Variants in CTNNA2 observed in about 807,000 individuals in gnomAD.
CTNNA2 encodes the protein catenin alpha-2.
CTNNA2 carries 42 observed loss-of-function variants against 101.0 expected under a neutral mutation model. That is an observed-to-expected ratio of 0.42 (90% CI 0.32 to 0.54). CTNNA2 has a LOEUF of 0.54. Among genes scored for constraint, CTNNA2 ranks in the 20% least tolerant of loss-of-function variants. The pLI, the probability that CTNNA2 is intolerant of heterozygous loss-of-function variation, is 0.14. For missense variants in CTNNA2, 871 were observed against 1,223.1 expected, an observed-to-expected ratio of 0.71 and a Z score of 4.29; for synonymous variants, 450 against 456.4, an observed-to-expected ratio of 0.99 and a Z score of 0.18.
chr2:80,561,984 T>G (rs1693644231), intron 12 of CTNNA2, among the ~76,000 whole-genome samples: 1 of 152,026 alleles, frequency 6.6e-6, no homozygotes, highest in Admixed American at 6.6e-5. Flanking sequence ...CCACGTTTTT[T>G]ATGTAAACAA....
rs776503949 is a variant in CTNNA2 at position 80,302,457 on chromosome 2, C to A, written c.1057-90754C>A. The A allele has an allele frequency of 1.2e-6, 2 of 1,614,146 alleles. No individual in the cohort carries two copies. The highest frequency in any genetic ancestry group is 1.7e-5 in the Admixed American group (1 of 60,032). ...CACTGTCTGAGCTGCCTGAGGCTGGCTGGGAAACACTTCCAGGACACGTAG... is the reference window on the plus strand; with the variant it reads ...CACTGTCTGAGCTGCCTGAGGCTGGATGGGAAACACTTCCAGGACACGTAG... On this transcript the variant is annotated intron_variant, in intron 7 of 18. Transcript: ENST00000402739. The surrounding 1 kb of genome is among the most constrained non-coding windows in gnomAD (Gnocchi z 6.4).
At chr2:79,490,170 A>G (rs1020049933) in intron 4 of CTNNA2, among the ~76,000 whole-genome samples, 1 of 152,192 alleles carries the variant, frequency 6.6e-6, no homozygotes, top group Admixed American at 6.5e-5. Flanking sequence ...GACCATACAT[A>G]GTATATATAC....
chr2:79,376,479 A>G (rs932275021), intron 4 of CTNNA2, among the ~76,000 whole-genome samples: 1 of 150,512 alleles, frequency 6.6e-6, no homozygotes, highest in Non-Finnish European at 1.5e-5. Flanking sequence ...TTTTTTTGAA[A>G]TTTTTCTAAT....
chr2:80,464,140 G>A (rs766654660), intron 9 of CTNNA2, among the ~76,000 whole-genome samples: 2 of 152,056 alleles, frequency 1.3e-5, no homozygotes, highest in Non-Finnish European at 2.9e-5. Flanking sequence ...AGCCCTCTTG[G>A]AATTCTAGTT....
At chr2:79,433,897 T>C (rs79307385) in intron 4 of CTNNA2, among the ~76,000 whole-genome samples, 3,399 of 152,270 alleles carry the variant, frequency 0.022, 57 homozygotes, top group South Asian at 0.043. Context: ...ATGAAATATT[T>C]GTTGAAAAAT....
intron 7 of CTNNA2, among the ~76,000 whole-genome samples, chr2:79,923,135 C>G (rs1686788561): frequency 6.6e-6 from 1 of 151,998 alleles, no homozygotes; most frequent in South Asian, 2.1e-4. Flanking sequence ...CAAAGAAGAG[C>G]CTGTTTTGTC....
At chr2:80,638,297 T>TG (rs1422012135) in intron 18 of CTNNA2, among the ~76,000 whole-genome samples, 3 of 148,962 alleles carry the variant, frequency 2.0e-5, no homozygotes, top group Non-Finnish European at 4.4e-5. Context: ...ACATAAGGAC[T>TG]GTCTGCCCAA....
chr2:80,073,911 A>G (rs1698517321), intron 7 of CTNNA2, among the ~76,000 whole-genome samples: 1 of 152,210 alleles, frequency 6.6e-6, no homozygotes, highest in Non-Finnish European at 1.5e-5. Flanking sequence ...AGCTTCTCTC[A>G]TGATTAACTA....
intron 4 of CTNNA2, among the ~76,000 whole-genome samples, chr2:79,457,567 C>T (rs1178681399): frequency 6.6e-6 from 1 of 151,924 alleles, no homozygotes; most frequent in African/African-American, 2.4e-5. Flanking sequence ...CCTGTAAAAC[C>T]AGAGCAAGCC....
At chr2:79,603,960 C>A (rs1052877588) in intron 1 of CTNNA2, among the ~76,000 whole-genome samples, 1 of 152,056 alleles carries the variant, frequency 6.6e-6, no homozygotes, top group African/African-American at 2.4e-5. Context: ...GAGAGCGAGT[C>A]CACCAAAGAA....
intron 18 of CTNNA2, among the ~76,000 whole-genome samples, chr2:80,633,933 C>A (rs1237871391): frequency 6.6e-6 from 1 of 152,086 alleles, no homozygotes; most frequent in African/African-American, 2.4e-5. Context: ...TGCAATTTGG[C>A]TGAAGTTTAC....
chr2:80,617,298 G>A (rs1427204193), intron 17 of CTNNA2, among the ~76,000 whole-genome samples: 3 of 100,274 alleles, frequency 3.0e-5, no homozygotes, highest in African/African-American at 1.3e-4. Flanking sequence ...AAATGAGATT[G>A]TTATAAAAAA....
intron 2 of CTNNA2, among the ~76,000 whole-genome samples, chr2:79,227,981 T>G (rs146569141): frequency 1.3e-5 from 2 of 152,244 alleles, no homozygotes; most frequent in South Asian, 4.1e-4. Flanking sequence ...TAACTCCCAC[T>G]TATATGTGAG....
At chr2:80,481,434 A>G (rs1686132667) in intron 9 of CTNNA2, among the ~76,000 whole-genome samples, 1 of 152,118 alleles carries the variant, frequency 6.6e-6, no homozygotes, top group Non-Finnish European at 1.5e-5. Context: ...CAGGAACTTA[A>G]AAGTGTTTGG....
chr2:80,260,288 G>C (rs1052965182), intron 7 of CTNNA2, among the ~76,000 whole-genome samples: 1 of 152,142 alleles, frequency 6.6e-6, no homozygotes, highest in Non-Finnish European at 1.5e-5. Flanking sequence ...CCATTAATCT[G>C]ACAGTGAAGA....
intron 3 of CTNNA2, among the ~76,000 whole-genome samples, chr2:79,770,407 C>G (rs1469293786): frequency 2.6e-5 from 4 of 151,916 alleles, no homozygotes; most frequent in African/African-American, 7.3e-5. Flanking sequence ...ATTTTTTAGA[C>G]AAAAATAAGG....
At position 79,679,211 on chromosome 2, in the gene CTNNA2, C is replaced by G. The variant is rs1268609562; in HGVS notation, c.102+27553C>G. ...CTGGTGTATCTAAAATATAGTTTAA[C>G]TTTCTTTAAATTATTTGTTTTACAC... On this transcript the variant is annotated intron_variant, in intron 2 of 18. Transcript: ENST00000402739. 2.0e-5 allele frequency among the ~76,000 whole-genome samples: 3 copies of G among 152,124 alleles called. No homozygotes were observed. The East Asian group carries it at 5.8e-4, about 29-fold the overall frequency.
chr2:80,549,725 A>G (rs950414679), intron 11 of CTNNA2, among the ~76,000 whole-genome samples: 6 of 152,128 alleles, frequency 3.9e-5, no homozygotes, highest in Non-Finnish European at 8.8e-5. Context: ...TTTCTCTTCA[A>G]AACACCTCAG....
At chr2:80,336,563 T>C (rs1394313836) in intron 7 of CTNNA2, among the ~76,000 whole-genome samples, 1 of 152,222 alleles carries the variant, frequency 6.6e-6, no homozygotes, top group Non-Finnish European at 1.5e-5. Flanking sequence ...TTAGGTAAAA[T>C]TTATACACAA....
Sources: gnomAD v4.1 joint callset for allele counts (sites outside exome capture counted in the v4.1 genomes callset) on GRCh38, gnomAD v4.1.1 for gene constraint, Gnocchi (gnomAD v3.1) non-coding constraint, MANE v1.5 for transcripts, NCBI Gene and HGNC (gene_info 2026-07-23, HGNC 2026-07-21) for gene names.